Variants in CYB5R2 observed in about 807,000 individuals in gnomAD.
The protein encoded by CYB5R2 is NADH-cytochrome b5 reductase 2.
A neutral mutation model predicts 29.8 loss-of-function variants in CYB5R2; 35 were observed. The observed-to-expected ratio is 1.17, with a 90% CI of 0.90 to 1.56. CYB5R2 has a LOEUF of 1.56. Among genes scored for constraint, CYB5R2 ranks in the 40% most tolerant of loss-of-function variants. CYB5R2 has a pLI of 0.00. For synonymous variants in CYB5R2, 169 were observed against 130.6 expected (o/e 1.29, Z -2.01); for missense variants, 419 against 346.7 (o/e 1.21, Z -1.66).
At chr11:7,669,908 C>G in intron 3 of CYB5R2, 177 bp from the exon 4 acceptor site, 2 of 604,156 alleles carry the variant, frequency 3.3e-6, no homozygotes, top group Non-Finnish European at 2.9e-6. Context: ...TAGGCCTGCC[C>G]TGCCTCCCTG....
At chr11:7,665,688 T>A in intron 8 of CYB5R2, 142 bp from the exon 9 acceptor site, 1 of 1,142,078 alleles carries the variant, frequency 8.8e-7, no homozygotes, top group Non-Finnish European at 1.2e-6. Flanking sequence ...TACTGCTCCC[T>A]GCAAAAAGCC....
In CYB5R2 at chr11:7,673,300, C is replaced by G. The variant is rs533977715; in HGVS notation, c.-67+119G>C. 2.6e-4 allele frequency: 244 copies of G among 928,790 alleles called. 3 individuals are homozygous for G. The South Asian group carries it at 7.5e-3, about 29-fold the overall frequency. 57.5% of individuals were successfully genotyped at this position (928,790 alleles called of 1,614,324 possible). A position where few individuals can be genotyped will look rare whatever the true frequency, so the allele number is the denominator to read the frequency against. ...AAAGACAGAACTAGGGTGCGTAGCT[C>G]TAAGAGGTGCCCCGTGACTTAGGGC... On this transcript the variant is annotated intron_variant, in intron 1 of 8. Coordinates refer to ENST00000299498, the MANE Select transcript of CYB5R2 (RefSeq NM_016229.5).
At chr11:7,669,091 T>A (rs1565153172) in intron 5 of CYB5R2, 114 bp downstream of exon 5, 2 of 1,282,982 alleles carry the variant, frequency 1.6e-6, no homozygotes, top group Non-Finnish European at 2.3e-6. Flanking sequence ...TGTGAATGAA[T>A]GAAGACTAAG....
chr11:7,666,662 G>C (rs1222986101), intron 7 of CYB5R2, 112 bp from the exon 8 acceptor site: 2 of 664,844 alleles, frequency 3.0e-6, no homozygotes, highest in Middle Eastern at 3.2e-4. Context: ...TCCAGCTGGA[G>C]TGCTCGCTGC....
chr11:7,674,152 G>A, upstream of CYB5R2: 6 of 1,231,028 alleles, frequency 4.9e-6, no homozygotes, highest in South Asian at 8.5e-5. Context: ...TGGGTGACCG[G>A]GCGGAGGGGG....
rs981383721 is a variant in CYB5R2, at chr11:7,672,631, C to T, written c.79-108G>A. On this transcript the variant is annotated intron_variant, in intron 2 of 8. Coordinates refer to ENST00000299498, the MANE Select transcript of CYB5R2 (RefSeq NM_016229.5). ...GTTTGGCGCTATTCCAGCACACACA[C>T]ACACACACACAGGGCGGCGGGGAGT... 3 of 1,481,656 alleles carry T rather than the reference C, an allele frequency of 2.0e-6. No individual in the cohort carries two copies. Among genetic ancestry groups the T allele is most frequent in the East Asian group, 2.3e-5 (1 of 43,958 alleles). The allele number at this position is 1,481,656 out of a possible 1,614,324, so 91.8% of individuals were successfully genotyped here. A position where few individuals can be genotyped will look rare whatever the true frequency, so the allele number is the denominator to read the frequency against.
chr11:7,668,416 C>T, intron 6 of CYB5R2, 62 bp downstream of exon 6: 3 of 1,287,470 alleles, frequency 2.3e-6, no homozygotes, highest in Non-Finnish European at 3.4e-6. Context: ...GATCAAATGA[C>T]TCCCAAGTCA....
At position 7,666,472 on chromosome 11, in the gene CYB5R2, T is replaced by G. The variant is rs1590862933; in HGVS notation, c.637A>C (p.Thr213Pro). 6.2e-7 allele frequency: 1 copy of G among 1,612,708 alleles called. No homozygotes were observed. Among genetic ancestry groups the G allele is most frequent in the Admixed American group, 1.7e-5 (1 of 60,000 alleles). Residue 213 changes from threonine (T) to proline (P), a missense_variant, in exon 8 of 9, where the codon ACC (threonine) becomes CCC (proline). Thr to Pro is a conservative substitution (Grantham distance 38). Transcript: ENST00000299498. The stretch of plus-strand genomic sequence containing the variant: ...GTACCAATGGGAGGCCTGTCCAGGG[T>G]GTACCACAGGTTGAACTGGTCTGGG... ...THPDQFNLWY[T>P]LDRPPIGWKY...
intron 5 of CYB5R2, chr11:7,668,910 C>T (rs2136120600): frequency 6.8e-6 from 4 of 592,220 alleles, no homozygotes; most frequent in East Asian, 6.1e-5. Context: ...GCATGGACTC[C>T]CTCCATCCAT....
intron 8 of CYB5R2, 31 bp from the exon 9 acceptor site, chr11:7,665,577 A>T (rs1330318887): frequency 5.7e-6 from 9 of 1,571,886 alleles, no homozygotes; most frequent in Non-Finnish European, 7.8e-6. Flanking sequence ...GAGCAAGCTG[A>T]GCGATGCCAG....
In CYB5R2 at chr11:7,665,490, G is replaced by C. The variant is rs1185260650; in HGVS notation, c.715C>G (p.Pro239Ala). ...AGGATGAGCGTGGACTTCGCTGGAG[G>C]AGGAAGGTGCTCCTTGATCATGTCG... ...TADMIKEHLP[P>A]PAKSTLILVC... is the part of the protein sequence containing the mutation. The change falls in exon 9 of 9, where the codon CCT becomes GCT. Residue 239 changes from proline (P) to alanine (A), a missense_variant. By Grantham distance (27) the Pro-to-Ala change is conservative. Coordinates refer to ENST00000299498, the MANE Select transcript of CYB5R2 (RefSeq NM_016229.5). The C allele has an allele frequency of 1.9e-6, 3 of 1,613,958 alleles. No homozygotes were observed. The African/African-American group carries it at 4.0e-5, about 22-fold the overall frequency.
At chr11:7,672,348 C>A in intron 3 of CYB5R2, 103 bp downstream of exon 3, 1 of 926,054 alleles carries the variant, frequency 1.1e-6, no homozygotes. Flanking sequence ...AGCAAGAGGG[C>A]ATCTTCCACA....
intron 3 of CYB5R2, chr11:7,672,176 C>G (rs1040550434): frequency 9.6e-6 from 4 of 415,374 alleles, no homozygotes; most frequent in East Asian, 3.7e-5. Flanking sequence ...CAGCAAGGAG[C>G]CTTCCATGAG....
At chr11:7,674,249 TGGTCCGGGGCG>T, upstream of CYB5R2, 1 of 1,266,102 alleles carries the variant, frequency 7.9e-7, no homozygotes, top group Non-Finnish European at 1.0e-6. Context: ...ACCCTGGGCC[TGGTCCGGGGCG>T]GGTGTTTGCG....
In CYB5R2 at chr11:7,665,193, G is replaced by T; in HGVS notation, c.*181C>A. 2.0e-6 allele frequency: 1 copy of T among 496,932 alleles called. No individual in the cohort carries two copies. The allele number at this position is 496,932 out of a possible 1,614,324, so 30.8% of individuals were successfully genotyped here. A position where few individuals can be genotyped will look rare whatever the true frequency, so the allele number is the denominator to read the frequency against. On this transcript the variant is annotated 3_prime_UTR_variant, in exon 9 of 9. Coordinates refer to ENST00000299498, the MANE Select transcript of CYB5R2 (RefSeq NM_016229.5). ...GCCTCCAAGCAAGGAGGCCCCAGCA[G>T]CCAGTCTCCAGCCCCTTGAGCCCTT...
chr11:7,666,048 G>T (rs1855164322), intron 8 of CYB5R2: 8 of 766,966 alleles, frequency 1.0e-5, no homozygotes, highest in South Asian at 1.6e-5. Context: ...GCTGTCTGGG[G>T]GCTCAGCATG....
chr11:7,674,041 C>T, upstream of CYB5R2: 1 of 1,184,264 alleles, frequency 8.4e-7, no homozygotes, highest in South Asian at 1.6e-5. Context: ...CTCGCTCCTG[C>T]GCTGCCCCTC....
Position 7,672,834 on chromosome 11 carries a change from G to A in CYB5R2, c.-9C>T, listed in dbSNP as rs1317128554. 1.9e-6 allele frequency: 3 copies of A among 1,613,958 alleles called. No individual in the cohort carries two copies. Among genetic ancestry groups the A allele is most frequent in the South Asian group, 2.2e-5 (2 of 91,064 alleles). On this transcript the variant is annotated 5_prime_UTR_variant, in exon 2 of 9. Transcript: ENST00000299498. ...CTCCTCCTGGAGTTCATGCTCTTCA[G>A]GACCAACACGAGCACAGTGACCCCA...
At chr11:7,668,971 T>A in intron 5 of CYB5R2, 1 of 667,928 alleles carries the variant, frequency 1.5e-6, no homozygotes, top group Non-Finnish European at 2.7e-6. Context: ...TGCTGGAGAT[T>A]TTGATACAAT....
Sources: allele counts gnomAD v4.1 joint callset, GRCh38; gene constraint gnomAD v4.1.1; transcripts MANE v1.5; gene names NCBI Gene and HGNC (gene_info 2026-07-23, HGNC 2026-07-21).